The following ACKR3 variants were observed in gnomAD, a reference collection of about 807,000 sequenced individuals.
ACKR3 encodes atypical chemokine receptor 3.
A neutral mutation model predicts 22.4 loss-of-function variants in ACKR3; 6 were observed. That is an observed-to-expected ratio of 0.27 (90% confidence interval 0.15 to 0.53). The LOEUF is 0.53. Among genes scored for constraint, ACKR3 ranks in the 20% least tolerant of loss-of-function variants. ACKR3 has a pLI of 0.96. For missense variants in ACKR3, 396 were observed against 475.2 expected (o/e 0.83, Z 1.55); for synonymous variants, 209 against 205.2 (o/e 1.02, Z -0.16).
the ACKR3 span, among the ~76,000 whole-genome samples, chr2:236,559,415 C>G: frequency 6.6e-6 from 1 of 151,658 alleles, no homozygotes; most frequent in Admixed American, 6.6e-5. Context: ...TATGTATTTC[C>G]CTCCATCTCA....
rs759983160 is a variant in ACKR3 at position 236,582,279 on chromosome 2, C to T, written c.*725C>T. 408 of 167,002 alleles carry T rather than the reference C, an allele frequency of 2.4e-3. 4 individuals are homozygous for T. Among genetic ancestry groups the T allele is most frequent in the South Asian group, 8.3e-4 (4 of 4,816 alleles). 10.3% of individuals were successfully genotyped at this position (167,002 alleles called of 1,614,324 possible). A position where few individuals can be genotyped will look rare whatever the true frequency, so the allele number is the denominator to read the frequency against. Reference sequence around the variant, plus strand: ...CTGGACTGCAAATCTGCACACACAACGAACAGTTGCATTTCAGAGAGTTCT... The same window carrying T: ...CTGGACTGCAAATCTGCACACACAATGAACAGTTGCATTTCAGAGAGTTCT... On this transcript the variant is annotated 3_prime_UTR_variant, in exon 2 of 2. Transcript: ENST00000272928.
the ACKR3 span, among the ~76,000 whole-genome samples, chr2:236,546,963 C>T: frequency 1.2e-4 from 18 of 152,234 alleles, no homozygotes; most frequent in Non-Finnish European, 1.6e-4. The surrounding 1 kb of genome is among the most constrained non-coding windows in gnomAD (Gnocchi z 4.9). Flanking sequence ...AGCATTGGCC[C>T]TGTGACTTTT....
At chr2:236,543,990 T>C in the ACKR3 span, among the ~76,000 whole-genome samples, 3 of 62,024 alleles carry the variant, frequency 4.8e-5, no homozygotes, top group Non-Finnish European at 8.3e-5. Flanking sequence ...TATATATATA[T>C]ATACACTTTT....
At chr2:236,537,368 T>C in the ACKR3 span, among the ~76,000 whole-genome samples, 1 of 152,170 alleles carries the variant, frequency 6.6e-6, no homozygotes, top group Admixed American at 6.5e-5. Context: ...TGGTTTTGCC[T>C]AGTACAAGGA....
At chr2:236,537,819 C>T in the ACKR3 span, among the ~76,000 whole-genome samples, 1 of 152,230 alleles carries the variant, frequency 6.6e-6, no homozygotes, top group South Asian at 2.1e-4. Context: ...TCTGCATTTT[C>T]TCCAAAAGGG....
the ACKR3 span, among the ~76,000 whole-genome samples, chr2:236,556,463 C>T: frequency 6.6e-6 from 1 of 152,006 alleles, no homozygotes; most frequent in African/African-American, 2.4e-5. Context: ...CACAATGGTC[C>T]TTATATGACG....
At chr2:236,542,333 A>G in the ACKR3 span, among the ~76,000 whole-genome samples, 5 of 152,214 alleles carry the variant, frequency 3.3e-5, no homozygotes, top group African/African-American at 1.2e-4. Context: ...AGATTGTTAA[A>G]CACCAGCACA....
intron 1 of ACKR3, among the ~76,000 whole-genome samples, chr2:236,579,553 T>C (rs2106508312): frequency 6.6e-6 from 1 of 152,076 alleles, no homozygotes; most frequent in South Asian, 2.1e-4. Flanking sequence ...GGTGATGGAG[T>C]GTTGGTCTCA....
At chr2:236,570,400 T>A (rs1306655811) in intron 1 of ACKR3, among the ~76,000 whole-genome samples, 2 of 152,226 alleles carry the variant, frequency 1.3e-5, no homozygotes, top group East Asian at 3.8e-4. Context: ...AACACTTTAT[T>A]AAGAGGCATC....
At position 236,581,520 on chromosome 2, in the gene ACKR3, C is replaced by T. The variant is rs777382973; in HGVS notation, c.1055C>T (p.Thr352Met). ...ATCGATGCCTCCAGAGTCTCAGAGACGGAGTACTCTGCCTTGGAGCAGAGC... is the reference window on the plus strand; with the variant it reads ...ATCGATGCCTCCAGAGTCTCAGAGATGGAGTACTCTGCCTTGGAGCAGAGC... ...KLIDASRVSETEYSALEQSTK is the reference protein window; with the variant it reads ...KLIDASRVSEMEYSALEQSTK The change falls in exon 2 of 2, where the codon ACG becomes ATG. Residue 352 changes from threonine (T) to methionine (M), a missense_variant. Physicochemically the swap from Thr to Met is moderately conservative, Grantham distance 81 (BLOSUM62 -1). Coordinates refer to ENST00000272928, the MANE Select transcript of ACKR3 (RefSeq NM_020311.3). This position sits in a 1 kb window ranked among gnomAD's most constrained non-coding sequence, Gnocchi z 4.4. The T allele has an allele frequency of 4.3e-5, 69 of 1,614,040 alleles. No individual in the cohort carries two copies. The highest frequency in any genetic ancestry group is 1.9e-4 in the South Asian group (17 of 91,082).
At chr2:236,568,350 A>C (rs1691232817), upstream of ACKR3, among the ~76,000 whole-genome samples, 2 of 152,224 alleles carry the variant, frequency 1.3e-5, no homozygotes, top group Admixed American at 1.3e-4. Context: ...CCCACAAGAA[A>C]GAAACAGGAC....
At chr2:236,547,751 G>C in the ACKR3 span, among the ~76,000 whole-genome samples, 1 of 152,090 alleles carries the variant, frequency 6.6e-6, no homozygotes, top group Non-Finnish European at 1.5e-5. Context: ...CAGCTGAAAA[G>C]TCATATTTCA....
At chr2:236,551,947 C>A in the ACKR3 span, among the ~76,000 whole-genome samples, 1 of 152,130 alleles carries the variant, frequency 6.6e-6, no homozygotes, top group African/African-American at 2.4e-5. Flanking sequence ...CAGCTCTGGT[C>A]GGCCTGCTTG....
intron 1 of ACKR3, 38 bp from the exon 2 acceptor site, chr2:236,580,402 C>G: frequency 6.4e-7 from 1 of 1,550,894 alleles, no homozygotes; most frequent in Non-Finnish European, 8.7e-7. Context: ...AAGTGACTTT[C>G]CTCTTCCATC....
At position 236,581,554 on chromosome 2, in the gene ACKR3, A is replaced by G. The variant is rs1691538300; in HGVS notation, c.1089A>G (p.Ter363TrpextTer14). The change falls in exon 2 of 2, where the codon TGA (stop) becomes TGG (tryptophan). Residue 363 changes from the stop codon to tryptophan, a stop_lost. Coordinates refer to ENST00000272928, the MANE Select transcript of ACKR3 (RefSeq NM_020311.3). The surrounding 1 kb of genome is among the most constrained non-coding windows in gnomAD (Gnocchi z 4.4). ...EYSALEQSTK* is the reference protein window; with the variant it reads ...EYSALEQSTKW ...CTGCCTTGGAGCAGAGCACCAAATG[A>G]TCTGCCCTGGAGAGGCTCTGGGACG... 6.2e-7 allele frequency: 1 copy of G among 1,612,698 alleles called. No individual in the cohort carries two copies. Among genetic ancestry groups the G allele is most frequent in the South Asian group, 1.1e-5 (1 of 91,016 alleles).
the ACKR3 span, among the ~76,000 whole-genome samples, chr2:236,540,617 T>TGGA: frequency 5.9e-5 from 9 of 152,350 alleles, no homozygotes; most frequent in South Asian, 1.2e-3. Flanking sequence ...ATATAAGTTA[T>TGGA]ATAATTTAAT....
At chr2:236,566,543 G>GA (rs5839641), upstream of ACKR3, among the ~76,000 whole-genome samples, 50,276 of 152,142 alleles carry the variant, frequency 0.33, 13,251 homozygotes, top group African/African-American at 0.74. Flanking sequence ...ATAGCAGAAG[G>GA]AAGACAGCAT....
the ACKR3 span, among the ~76,000 whole-genome samples, chr2:236,548,786 C>A: frequency 1.3e-5 from 2 of 152,226 alleles, no homozygotes; most frequent in African/African-American, 4.8e-5. The surrounding 1 kb of genome is among the most constrained non-coding windows in gnomAD (Gnocchi z 4.3). Flanking sequence ...TAAAAACTCA[C>A]ATAAGCACAG....
At chr2:236,575,323 A>T (rs545094011) in intron 1 of ACKR3, among the ~76,000 whole-genome samples, 42 of 152,136 alleles carry the variant, frequency 2.8e-4, no homozygotes, top group African/African-American at 9.2e-4. Flanking sequence ...GTGCACATGT[A>T]TTTACATATA....
Sources: allele counts gnomAD v4.1 joint callset (sites outside exome capture counted in the v4.1 genomes callset), GRCh38; gene constraint gnomAD v4.1.1; non-coding constraint Gnocchi (gnomAD v3.1); transcripts MANE v1.5; gene names NCBI Gene and HGNC (gene_info 2026-07-23, HGNC 2026-07-21).